The following CSTF3 variants were observed in gnomAD, a reference collection of about 807,000 sequenced individuals.
CSTF3 encodes the protein CF-1 77 kDa subunit.
In CSTF3, 29 loss-of-function variants were observed where a neutral mutation model predicts 105.8. The ratio of observed to expected loss-of-function variants is 0.27; its 90% CI spans 0.20 to 0.37. CSTF3 has a LOEUF of 0.37. Ranked by LOEUF, CSTF3 falls within the 10% of genes least tolerant of loss-of-function variation. CSTF3 has a pLI of 1.00. For missense variants in CSTF3, 357 were observed against 879.3 expected, an observed-to-expected ratio of 0.41 and a Z score of 7.51; for synonymous variants, 252 against 281.9, an observed-to-expected ratio of 0.89 and a Z score of 1.06.
intron 13 of CSTF3, among the ~76,000 whole-genome samples, chr11:33,097,252 T>C (rs1210350752): frequency 2.0e-5 from 3 of 152,366 alleles, no homozygotes; most frequent in African/African-American, 7.2e-5. Flanking sequence ...TATCTAATTC[T>C]AGAATATGTA....
chr11:33,107,873 T>C (rs374938592), intron 5 of CSTF3, 30 bp downstream of exon 5: 5 of 1,338,124 alleles, frequency 3.7e-6, no homozygotes, highest in Non-Finnish European at 5.3e-6. Context: ...TGGAGATGAC[T>C]TGCATTCTTA....
intron 1 of CSTF3, among the ~76,000 whole-genome samples, chr11:33,151,523 T>C (rs1471533491): frequency 1.3e-5 from 2 of 152,216 alleles, no homozygotes; most frequent in African/African-American, 4.8e-5. Context: ...TCAAAGTTCA[T>C]GTTTTTGCAT....
chr11:33,095,703 C>T (rs1855213970), intron 15 of CSTF3, among the ~76,000 whole-genome samples: 1 of 151,236 alleles, frequency 6.6e-6, no homozygotes, highest in South Asian at 2.1e-4. Context: ...CGCCTGTAGT[C>T]CCAGCTACTC....
At chr11:33,146,913 C>T (rs1183356546) in intron 1 of CSTF3, among the ~76,000 whole-genome samples, 2 of 151,980 alleles carry the variant, frequency 1.3e-5, no homozygotes, top group African/African-American at 4.8e-5. Flanking sequence ...TGCCTGTAAT[C>T]CCAGCACTTT....
intron 3 of CSTF3, among the ~76,000 whole-genome samples, chr11:33,126,594 TAAAG>T (rs1350016469): frequency 6.6e-6 from 1 of 152,164 alleles, no homozygotes; most frequent in African/African-American, 2.4e-5. Context: ...GTTCTAAAAA[TAAAG>T]ACATTTTTTT....
In CSTF3 at chr11:33,085,232, C is replaced by T. The variant is rs1855092288; in HGVS notation, c.2009G>A (p.Gly670Asp). The T allele has an allele frequency of 6.3e-7, 1 of 1,595,084 alleles. No homozygotes were observed. ...TGGAPELAVE[G>D]NGPVESNAVL... ...TGCATTACTTTCCACGGGGCCGTTG[C>T]CTTCTACAGCTAGCTCTGGGGCCCC... The change falls in exon 21 of 21, where the codon GGC becomes GAC. Residue 670 changes from glycine (G) to aspartate (D), a missense_variant. By Grantham distance (94) the Gly-to-Asp change is moderately conservative. Coordinates refer to ENST00000323959, the MANE Select transcript of CSTF3 (RefSeq NM_001326.3).
At chr11:33,160,228 G>A (rs1849922060) in intron 1 of CSTF3, among the ~76,000 whole-genome samples, 1 of 151,906 alleles carries the variant, frequency 6.6e-6, no homozygotes. Context: ...CCAGTCCTCG[G>A]GCAAACACAA....
chr11:33,127,048 C>A (rs1855550765), intron 3 of CSTF3, among the ~76,000 whole-genome samples: 1 of 152,088 alleles, frequency 6.6e-6, no homozygotes, highest in South Asian at 2.1e-4. Context: ...GGAAAAATAT[C>A]TTTAGAACAG....
chr11:33,099,774 T>C lies in CSTF3; in HGVS notation c.827-57A>G, dbSNP rs1420866899. The C allele has an allele frequency of 2.6e-6, 3 of 1,136,568 alleles. No homozygotes were observed. The highest frequency in any genetic ancestry group is 3.7e-6 in the Non-Finnish European group (3 of 804,346). 70.4% of individuals were successfully genotyped at this position (1,136,568 alleles called of 1,614,324 possible). On this transcript the variant is annotated intron_variant, in intron 10 of 20. Coordinates refer to ENST00000323959, the MANE Select transcript of CSTF3 (RefSeq NM_001326.3). This position sits in a 1 kb window ranked among gnomAD's most constrained non-coding sequence, Gnocchi z 4.1. ...TTAAAATAATTATTATTTGTAAAAC[T>C]ATCAATGTAAATATCATAACCAAAT...
At chr11:33,137,950 AT>A (rs1261676680) in intron 3 of CSTF3, among the ~76,000 whole-genome samples, 1 of 151,808 alleles carries the variant, frequency 6.6e-6, no homozygotes, top group East Asian at 1.9e-4. Context: ...GTTTATTTCA[AT>A]TTAGGACACT....
chr11:33,161,462 G>A lies in CSTF3; in HGVS notation c.-137C>T. 1.2e-6 allele frequency: 1 copy of A among 829,622 alleles called. No homozygotes were observed. The highest frequency in any genetic ancestry group is 1.9e-6 in the Non-Finnish European group (1 of 513,224). 51.4% of individuals were successfully genotyped at this position (829,622 alleles called of 1,614,324 possible). ...CAGACCGCCAACACCAATCGCCACC[G>A]CCCACTCAAATATGAATTAAAATGG... On this transcript the variant is annotated 5_prime_UTR_variant, in exon 1 of 21. Transcript: ENST00000323959.
In CSTF3 at chr11:33,132,635, C is replaced by CGA. The variant is rs1165742806; in HGVS notation, c.225+9031_225+9032insTC. ...AGGAAATTCAAATTTAAAAAGGAAC[C>CGA]TTTTTGGCAAATATTCCCATGGATA... On this transcript the variant is annotated intron_variant, in intron 3 of 20. Transcript: ENST00000323959. Among the ~76,000 whole-genome samples, 134 of 152,210 alleles carry CGA rather than the reference C, an allele frequency of 8.8e-4. 1 individual carries two copies. The highest frequency in any genetic ancestry group is 5.8e-4 in the East Asian group (3 of 5,190).
intron 1 of CSTF3, among the ~76,000 whole-genome samples, chr11:33,155,299 G>A (rs997995915): frequency 6.6e-6 from 1 of 151,642 alleles, no homozygotes; most frequent in Non-Finnish European, 1.5e-5. Context: ...AGGAAGCGGA[G>A]CTTGCAGCGA....
intron 1 of CSTF3, among the ~76,000 whole-genome samples, chr11:33,153,143 AT>A (rs1849810509): frequency 6.6e-6 from 1 of 152,062 alleles, no homozygotes; most frequent in Non-Finnish European, 1.5e-5. Context: ...GAATGGCACC[AT>A]TTTACATTTT....
intron 1 of CSTF3, among the ~76,000 whole-genome samples, chr11:33,154,164 G>A (rs1037011373): frequency 1.3e-5 from 2 of 152,088 alleles, no homozygotes; most frequent in Non-Finnish European, 2.9e-5. Flanking sequence ...TGTTTCAAAC[G>A]AAGATTCTCA....
intron 3 of CSTF3, among the ~76,000 whole-genome samples, chr11:33,122,797 T>A: frequency 6.6e-6 from 1 of 150,736 alleles, no homozygotes; most frequent in East Asian, 2.0e-4. Flanking sequence ...GCACCTGTAG[T>A]CCCAGCTACT....
intron 1 of CSTF3, among the ~76,000 whole-genome samples, chr11:33,149,203 C>T (rs1010457878): frequency 6.6e-6 from 1 of 152,172 alleles, no homozygotes; most frequent in African/African-American, 2.4e-5. Flanking sequence ...AAAATGCTAT[C>T]CAGATACCTG....
In CSTF3 at chr11:33,103,196, CA is replaced by C; in HGVS notation, c.586-13del. 1 of 1,332,806 alleles carries C rather than the reference CA, an allele frequency of 7.5e-7. No individual in the cohort carries two copies. The highest frequency in any genetic ancestry group is 1.0e-6 in the Non-Finnish European group (1 of 963,644). The allele number at this position is 1,332,806 out of a possible 1,614,324, so 82.6% of individuals were successfully genotyped here. A position where few individuals can be genotyped will look rare whatever the true frequency, so the allele number is the denominator to read the frequency against. ...TGAATATTGATACCCTAGAAAAAAA[CA>C]AAAATATTTTAAAATTAAGTATAGT... On this transcript the variant is annotated splice_polypyrimidine_tract_variant and intron_variant, in intron 8 of 20. Transcript: ENST00000323959.
chr11:33,115,144 G>C (rs983863852), intron 3 of CSTF3, among the ~76,000 whole-genome samples: 2 of 152,132 alleles, frequency 1.3e-5, no homozygotes, highest in African/African-American at 4.8e-5. Context: ...CTACTCTAAA[G>C]TATAGCACAT....
Sources: gnomAD v4.1 joint callset for allele counts (sites outside exome capture counted in the v4.1 genomes callset) on GRCh38, gnomAD v4.1.1 for gene constraint, Gnocchi (gnomAD v3.1) non-coding constraint, MANE v1.5 for transcripts, NCBI Gene and HGNC (gene_info 2026-07-23, HGNC 2026-07-21) for gene names.